Variants in FILIP1 observed in about 807,000 individuals in gnomAD.
FILIP1 encodes the protein filamin-A-interacting protein 1.
Under a neutral mutation model 102.1 loss-of-function variants are expected in FILIP1, and 61 were observed. That is an observed-to-expected ratio of 0.60 (90% confidence interval 0.49 to 0.74). The LOEUF is 0.74. Among genes scored for constraint, FILIP1 ranks in the 30% least tolerant of loss-of-function variants. FILIP1 has a pLI of 0.00. For missense variants in FILIP1, 1,314 were observed against 1,441.2 expected (o/e 0.91, Z 1.43); for synonymous variants, 491 against 526.9 (o/e 0.93, Z 0.93).
At chr6:75,302,843 TATG>T (rs1039327670) in intron 6 of FILIP1, among the ~76,000 whole-genome samples, 2 of 151,986 alleles carry the variant, frequency 1.3e-5, no homozygotes, top group Admixed American at 1.3e-4. Flanking sequence ...TATGATATGA[TATG>T]ATATGATATG....
At chr6:75,330,958 C>T (rs1484435993) in intron 4 of FILIP1, among the ~76,000 whole-genome samples, 1 of 152,052 alleles carries the variant, frequency 6.6e-6, no homozygotes, top group Non-Finnish European at 1.5e-5. Flanking sequence ...AGTAATTTAC[C>T]TTTAAAACCC....
intron 5 of FILIP1, among the ~76,000 whole-genome samples, chr6:75,310,022 CATA>C (rs2149542641): frequency 6.6e-6 from 1 of 152,312 alleles, no homozygotes; most frequent in East Asian, 1.9e-4. Context: ...ATATCAATTT[CATA>C]ATGAGACATG....
intron 1 of FILIP1, among the ~76,000 whole-genome samples, chr6:75,466,311 G>A (rs2149757562): frequency 6.6e-6 from 1 of 152,270 alleles, no homozygotes; most frequent in Admixed American, 6.5e-5. Flanking sequence ...GTAAACTCCA[G>A]AAGGGAAATA....
rs555139190 is a variant in FILIP1, at chr6:75,437,201, T to C, written c.-6-22223A>G. Among the ~76,000 whole-genome samples the C allele has an allele frequency of 2.6e-5, 4 of 152,294 alleles. No individual in the cohort carries two copies. In the East Asian group the frequency reaches 5.8e-4, roughly 22 times the overall value. On this transcript the variant is annotated intron_variant, in intron 1 of 5. Coordinates refer to ENST00000237172, the MANE Select transcript of FILIP1 (RefSeq NM_015687.5). ...GATCATGCCTCAGTCCACAGTATTATGGCTGGTTCAAAGCAGACAGAATAG... is the reference window on the plus strand; with the variant it reads ...GATCATGCCTCAGTCCACAGTATTACGGCTGGTTCAAAGCAGACAGAATAG...
intron 1 of FILIP1, among the ~76,000 whole-genome samples, chr6:75,461,892 G>C (rs1464689079): frequency 6.6e-6 from 1 of 152,128 alleles, no homozygotes; most frequent in Non-Finnish European, 1.5e-5. Flanking sequence ...GGGGCAATAG[G>C]AAGTATTTTC....
At chr6:75,373,788 T>A (rs1243257120) in intron 2 of FILIP1, among the ~76,000 whole-genome samples, 5 of 152,140 alleles carry the variant, frequency 3.3e-5, no homozygotes, top group Non-Finnish European at 7.4e-5. Flanking sequence ...GCTGGTGGAT[T>A]TCTTGAGCCC....
chr6:75,354,047 G>C (rs1377593034), intron 3 of FILIP1, among the ~76,000 whole-genome samples: 2 of 151,872 alleles, frequency 1.3e-5, no homozygotes, highest in Non-Finnish European at 2.9e-5. Flanking sequence ...TTCCAGCTTG[G>C]GTCTATTACA....
chr6:75,355,302 A>G (rs951383403), intron 3 of FILIP1, among the ~76,000 whole-genome samples: 2 of 152,038 alleles, frequency 1.3e-5, no homozygotes, highest in African/African-American at 2.4e-5. Flanking sequence ...CTCAAAAACC[A>G]AAACCAAAAC....
chr6:75,336,538 C>T (rs774035231), intron 4 of FILIP1, among the ~76,000 whole-genome samples: 3 of 151,788 alleles, frequency 2.0e-5, no homozygotes, highest in Non-Finnish European at 4.4e-5. Context: ...GGGTCAGGAC[C>T]GATTATACAA....
At chr6:75,339,721 G>C (rs1022288745) in intron 4 of FILIP1, among the ~76,000 whole-genome samples, 1 of 152,188 alleles carries the variant, frequency 6.6e-6, no homozygotes, top group Non-Finnish European at 1.5e-5. Context: ...GCCAAGGCAG[G>C]GGGATCACTT....
At chr6:75,323,840 C>T (rs1359963212) in intron 4 of FILIP1, among the ~76,000 whole-genome samples, 1 of 85,932 alleles carries the variant, frequency 1.2e-5, no homozygotes, top group Admixed American at 1.1e-4. Context: ...GGTGGTTCCC[C>T]CCACGCTGTT....
Position 75,351,002 on chromosome 6 carries a change from A to G in FILIP1, c.629+2537T>C, listed in dbSNP as rs1333313158. Among the ~76,000 whole-genome samples the G allele has an allele frequency of 2.0e-5, 3 of 152,214 alleles. No homozygotes were observed. The East Asian group carries it at 5.8e-4, about 29-fold the overall frequency. ...GTGCCACATAACGACACTTCTGTCA[A>G]CAAGGGACTGCATATATGATGGTGG... On this transcript the variant is annotated intron_variant, in intron 4 of 5. Coordinates refer to ENST00000237172, the MANE Select transcript of FILIP1 (RefSeq NM_015687.5).
At chr6:75,318,009 A>G (rs1773500888) in intron 4 of FILIP1, among the ~76,000 whole-genome samples, 1 of 152,290 alleles carries the variant, frequency 6.6e-6, no homozygotes, top group African/African-American at 2.4e-5. Flanking sequence ...GTTCATGTCC[A>G]GTCAGTCTCT....
At chr6:75,427,526 T>C (rs1777667052) in intron 1 of FILIP1, among the ~76,000 whole-genome samples, 1 of 152,066 alleles carries the variant, frequency 6.6e-6, no homozygotes, top group African/African-American at 2.4e-5. Context: ...TTTCCAACAA[T>C]GAAATGACTG....
intron 2 of FILIP1, among the ~76,000 whole-genome samples, chr6:75,395,402 C>T (rs2149662894): frequency 6.6e-6 from 1 of 152,258 alleles, no homozygotes; most frequent in South Asian, 2.1e-4. Context: ...GCCTCAGCCT[C>T]CTGAGTAACT....
chr6:75,450,903 C>T (rs986069097), intron 1 of FILIP1, among the ~76,000 whole-genome samples: 4 of 151,626 alleles, frequency 2.6e-5, no homozygotes, highest in Middle Eastern at 3.4e-3. Context: ...TGCAGTGAGC[C>T]GAGATTGCGC....
chr6:75,380,178 G>A (rs1286756027), intron 2 of FILIP1, among the ~76,000 whole-genome samples: 3 of 146,730 alleles, frequency 2.0e-5, no homozygotes, highest in African/African-American at 7.7e-5. Flanking sequence ...GATTCTAACT[G>A]TAAAAAACAA....
chr6:75,425,273 T>A (rs73749477), intron 1 of FILIP1, among the ~76,000 whole-genome samples: 2 of 152,198 alleles, frequency 1.3e-5, no homozygotes, highest in Non-Finnish European at 2.9e-5. Flanking sequence ...ACTTAGTTGC[T>A]ATGTGAATGC....
chr6:75,439,115 G>C (rs539896175), intron 1 of FILIP1, among the ~76,000 whole-genome samples: 1 of 152,284 alleles, frequency 6.6e-6, no homozygotes, highest in South Asian at 2.1e-4. Flanking sequence ...GCAATTCCCT[G>C]GTTTGTTGAG....
Sources: allele counts gnomAD v4.1 joint callset (sites outside exome capture counted in the v4.1 genomes callset), GRCh38; gene constraint gnomAD v4.1.1; transcripts MANE v1.5; gene names NCBI Gene and HGNC (gene_info 2026-07-23, HGNC 2026-07-21).